The following KSR1 variants were observed in gnomAD, a reference collection of about 807,000 sequenced individuals.
KSR1 encodes the protein kinase suppressor of ras 1.
Under a neutral mutation model 92.9 loss-of-function variants are expected in KSR1, and 35 were observed. The observed-to-expected ratio is 0.38, with a 90% CI of 0.29 to 0.50. The LOEUF (loss-of-function observed/expected upper bound fraction) is 0.50, where lower values mean the gene tolerates loss of function less well. Ranked by LOEUF, KSR1 falls within the 20% of genes least tolerant of loss-of-function variation. The pLI is 0.94. For synonymous variants in KSR1, 467 were observed against 472.6 expected, an observed-to-expected ratio of 0.99 and a Z score of 0.15; for missense variants, 972 against 1,158.5, an observed-to-expected ratio of 0.84 and a Z score of 2.34.
chr17:27,618,550 G>C (rs2074125755), intron 19 of KSR1, among the ~76,000 whole-genome samples: 1 of 152,188 alleles, frequency 6.6e-6, no homozygotes, highest in Non-Finnish European at 1.5e-5. Flanking sequence ...TCACTCTGGG[G>C]CTGACTTCGG....
At chr17:27,507,816 C>T (rs1393153183) in intron 1 of KSR1, among the ~76,000 whole-genome samples, 2 of 151,974 alleles carry the variant, frequency 1.3e-5, no homozygotes, top group African/African-American at 4.8e-5. Flanking sequence ...CTCAGGTGAT[C>T]CACCTGCGTC....
intron 1 of KSR1, among the ~76,000 whole-genome samples, chr17:27,457,078 C>A (rs1340690546): frequency 6.6e-6 from 1 of 152,088 alleles, no homozygotes; most frequent in African/African-American, 2.4e-5. Flanking sequence ...GCGGGTGCGT[C>A]GTGGGAACTG....
intron 1 of KSR1, among the ~76,000 whole-genome samples, chr17:27,513,094 C>A (rs1271300329): frequency 6.6e-6 from 1 of 152,152 alleles, no homozygotes; most frequent in Non-Finnish European, 1.5e-5. Context: ...GAACTTCCTA[C>A]AAGGATAATC....
intron 1 of KSR1, among the ~76,000 whole-genome samples, chr17:27,479,158 G>C (rs2068437556): frequency 6.8e-6 from 1 of 146,602 alleles, no homozygotes; most frequent in South Asian, 2.2e-4. Flanking sequence ...CTCCATCCAT[G>C]CTCCTCCCTC....
intron 1 of KSR1, among the ~76,000 whole-genome samples, chr17:27,499,414 C>T (rs2069100934): frequency 6.6e-6 from 1 of 152,204 alleles, no homozygotes; most frequent in African/African-American, 2.4e-5. Context: ...ACCGGACAAC[C>T]AGAGGGGGCA....
intron 1 of KSR1, among the ~76,000 whole-genome samples, chr17:27,533,717 G>A (rs1156454256): frequency 6.6e-6 from 1 of 152,142 alleles, no homozygotes; most frequent in Non-Finnish European, 1.5e-5. Flanking sequence ...TTTCTGATCT[G>A]CCGTTGAATC....
chr17:27,464,204 T>A (rs2150905854), intron 1 of KSR1, among the ~76,000 whole-genome samples: 1 of 152,250 alleles, frequency 6.6e-6, no homozygotes, highest in Non-Finnish European at 1.5e-5. Context: ...CCTAGCTCTG[T>A]CCCAGTGCCT....
chr17:27,565,984 CA>C (rs1259135291), intron 2 of KSR1, among the ~76,000 whole-genome samples: 4 of 152,158 alleles, frequency 2.6e-5, no homozygotes, highest in African/African-American at 7.2e-5. Flanking sequence ...CCATCCCAGG[CA>C]TCTGCTGCAG....
intron 11 of KSR1, chr17:27,601,866 T>C: frequency 1.9e-6 from 3 of 1,585,180 alleles, no homozygotes; most frequent in Non-Finnish European, 2.6e-6. Flanking sequence ...CTTAGTGGGC[T>C]TCACCCTTCT....
chr17:27,470,909 C>G (rs1302983607), intron 1 of KSR1, among the ~76,000 whole-genome samples: 3 of 151,762 alleles, frequency 2.0e-5, no homozygotes, highest in South Asian at 2.1e-4. Flanking sequence ...CTCACCCTGT[C>G]CCCCAGGCTG....
At position 27,617,445 on chromosome 17, in the gene KSR1, T is replaced by C. The variant is rs1188212350; in HGVS notation, c.2627+17T>C. The C allele has an allele frequency of 3.8e-6, 6 of 1,592,686 alleles. 1 individual carries two copies. The South Asian group carries it at 5.5e-5, about 15-fold the overall frequency. ...GTCAGCTGAGTAAGTGCCTCTTCCA[T>C]GAGCCAGACTGCCAGCCAGGCCCTC... is the stretch of plus-strand genomic sequence containing the variant. On this transcript the variant is annotated intron_variant, in intron 19 of 20. Transcript: ENST00000644974.
chr17:27,572,047 C>A (rs2072330346), intron 2 of KSR1, among the ~76,000 whole-genome samples: 1 of 152,204 alleles, frequency 6.6e-6, no homozygotes, highest in Non-Finnish European at 1.5e-5. Flanking sequence ...GCACGTTGCC[C>A]AAACCCATCC....
chr17:27,605,406 A>G, intron 13 of KSR1, 28 bp from the exon 14 acceptor site: 1 of 1,598,102 alleles, frequency 6.3e-7, no homozygotes, highest in African/African-American at 1.3e-5. Context: ...TCTGCTGCCC[A>G]TCCCTGTTCT....
intron 1 of KSR1, among the ~76,000 whole-genome samples, chr17:27,507,293 C>A (rs2069420705): frequency 6.6e-6 from 1 of 151,904 alleles, no homozygotes; most frequent in Non-Finnish European, 1.5e-5. Context: ...ATTAGCCAGG[C>A]CTGGTGGCAG....
chr17:27,618,840 C>G (rs942879507), intron 19 of KSR1, among the ~76,000 whole-genome samples: 5 of 152,156 alleles, frequency 3.3e-5, no homozygotes, highest in African/African-American at 1.2e-4. Context: ...ATAGTTTTAA[C>G]TTTCTGAAAA....
chr17:27,513,039 A>C (rs191622940), intron 1 of KSR1, among the ~76,000 whole-genome samples: 1 of 152,254 alleles, frequency 6.6e-6, no homozygotes, highest in Admixed American at 6.5e-5. Context: ...ATTTACCCAA[A>C]ATATGAATCC....
chr17:27,623,564 CCTG>C lies in KSR1; in HGVS notation c.*175_*177del, dbSNP rs897117753. ...ACCCCACTCGGGAGATGGAGCTGCA[CCTG>C]CTATTTCTTAAAATGACACCACCAA... On this transcript the variant is annotated 3_prime_UTR_variant, in exon 21 of 21. Transcript: ENST00000644974. 6 of 647,114 alleles carry C rather than the reference CCTG, an allele frequency of 9.3e-6. No individual in the cohort carries two copies. The highest frequency in any genetic ancestry group is 8.5e-5 in the Admixed American group (3 of 35,348). The allele number at this position is 647,114 out of a possible 1,614,324, so 40.1% of individuals were successfully genotyped here.
chr17:27,560,310 G>C, intron 2 of KSR1: 1 of 381,396 alleles, frequency 2.6e-6, no homozygotes, highest in Non-Finnish European at 5.2e-6. Context: ...GGAAGTTGTT[G>C]AAAGGAAGTG....
chr17:27,506,720 G>T (rs1222343337), intron 1 of KSR1, among the ~76,000 whole-genome samples: 2 of 143,192 alleles, frequency 1.4e-5, no homozygotes, highest in Non-Finnish European at 3.0e-5. Context: ...TCTGTGGTGC[G>T]AGTGTTGGTT....
Sources: gnomAD v4.1 joint callset for allele counts (sites outside exome capture counted in the v4.1 genomes callset) on GRCh38, gnomAD v4.1.1 for gene constraint, MANE v1.5 for transcripts, NCBI Gene and HGNC (gene_info 2026-07-23, HGNC 2026-07-21) for gene names.